Variants in ZCCHC7 observed in about 807,000 individuals in gnomAD.
ZCCHC7 encodes zinc finger CCHC domain-containing protein 7.
ZCCHC7 carries 35 observed loss-of-function variants against 52.0 expected under a neutral mutation model. The observed-to-expected ratio is 0.67, with a 90% confidence interval of 0.51 to 0.89. ZCCHC7 has a LOEUF of 0.89. Ranked by LOEUF, ZCCHC7 falls within the 40% of genes least tolerant of loss-of-function variation. The pLI, the probability that ZCCHC7 is intolerant of heterozygous loss-of-function variation, is 0.00. For synonymous variants in ZCCHC7, 217 were observed against 221.5 expected (o/e 0.98, Z 0.18); for missense variants, 574 against 649.1 (o/e 0.88, Z 1.26).
chr9:37,178,456 AG>A (rs1822173965), intron 2 of ZCCHC7, among the ~76,000 whole-genome samples: 1 of 151,794 alleles, frequency 6.6e-6, no homozygotes, highest in Non-Finnish European at 1.5e-5. Context: ...GAAGGTAAAA[AG>A]GAAGGAAAGA....
chr9:37,180,364 C>G (rs1588437827), intron 2 of ZCCHC7, among the ~76,000 whole-genome samples: 1 of 151,872 alleles, frequency 6.6e-6, no homozygotes, highest in African/African-American at 2.4e-5. Flanking sequence ...GTTAATTTTC[C>G]TAACTGGTAA....
At chr9:37,326,979 C>CAACT (rs2118142773) in intron 5 of ZCCHC7, 1 of 152,086 alleles carries the variant, frequency 6.6e-6, no homozygotes, top group East Asian at 1.9e-4. Context: ...GTAAACTGAT[C>CAACT]AACTATACAT....
chr9:37,180,848 A>G (rs181193948), intron 2 of ZCCHC7, among the ~76,000 whole-genome samples: 8 of 152,280 alleles, frequency 5.3e-5, no homozygotes, highest in Admixed American at 3.9e-4. Context: ...CTTTATTCTA[A>G]GTGAGACTAT....
intron 6 of ZCCHC7, among the ~76,000 whole-genome samples, chr9:37,336,099 C>CA (rs1830636915): frequency 6.6e-6 from 1 of 152,068 alleles, no homozygotes; most frequent in African/African-American, 2.4e-5. Context: ...AGAAATGAAA[C>CA]AAAATAGCAT....
chr9:37,211,972 A>C (rs1444236206), intron 2 of ZCCHC7, among the ~76,000 whole-genome samples: 1 of 131,132 alleles, frequency 7.6e-6, no homozygotes, highest in Non-Finnish European at 1.6e-5. Context: ...GCTTGCAGTG[A>C]GCCGAGATGG....
At chr9:37,177,291 C>T (rs530159875) in intron 2 of ZCCHC7, among the ~76,000 whole-genome samples, 14 of 152,102 alleles carry the variant, frequency 9.2e-5, no homozygotes, top group Middle Eastern at 3.4e-3. Context: ...GCTGAGACCA[C>T]GCCAGTGCAT....
At chr9:37,138,412 T>G (rs1029388907) in intron 2 of ZCCHC7, among the ~76,000 whole-genome samples, 1 of 152,176 alleles carries the variant, frequency 6.6e-6, no homozygotes, top group African/African-American at 2.4e-5. Flanking sequence ...TTTCTGTGAT[T>G]TCACTGTAGA....
chr9:37,314,842 A>G (rs1829745141), intron 5 of ZCCHC7, among the ~76,000 whole-genome samples: 1 of 152,078 alleles, frequency 6.6e-6, no homozygotes, highest in Admixed American at 6.6e-5. Context: ...GAAGCAATGT[A>G]CACAACTGGG....
chr9:37,182,378 G>A (rs570334076), intron 2 of ZCCHC7, among the ~76,000 whole-genome samples: 13 of 143,786 alleles, frequency 9.0e-5, no homozygotes, highest in Admixed American at 2.8e-4. Flanking sequence ...TTGAGATGTA[G>A]TCTTGCTCTG....
intron 2 of ZCCHC7, among the ~76,000 whole-genome samples, chr9:37,295,382 A>T (rs1432003114): frequency 6.6e-6 from 1 of 152,242 alleles, no homozygotes; most frequent in Non-Finnish European, 1.5e-5. Flanking sequence ...TAGTATACAA[A>T]GGAATTTTAT....
At chr9:37,231,533 T>C (rs2133313500) in intron 2 of ZCCHC7, among the ~76,000 whole-genome samples, 1 of 152,322 alleles carries the variant, frequency 6.6e-6, no homozygotes, top group East Asian at 1.9e-4. Context: ...TAAGCCACCT[T>C]CCTGAAAATT....
intron 2 of ZCCHC7, among the ~76,000 whole-genome samples, chr9:37,294,836 A>G (rs1828709175): frequency 6.6e-6 from 1 of 152,226 alleles, no homozygotes; most frequent in Admixed American, 6.5e-5. Context: ...AGAGAGGGAA[A>G]TAAAATATTT....
At chr9:37,211,989 T>TGCACTCCA (rs1473848969) in intron 2 of ZCCHC7, among the ~76,000 whole-genome samples, 1 of 119,050 alleles carries the variant, frequency 8.4e-6, no homozygotes, top group Non-Finnish European at 1.6e-5. Flanking sequence ...ATGGCGCCAC[T>TGCACTCCA]GCACTCCAGC....
chr9:37,126,951 CAT>C lies in ZCCHC7; in HGVS notation c.610+12_610+13del. On this transcript the variant is annotated intron_variant, in intron 2 of 8. Transcript: ENST00000336755. ...AAACTCTGTTACTGAAGGTTAGTAT[CAT>C]ATTGGCCATTTTGAAAGTAGTATCA... 1 of 1,609,234 alleles carries C rather than the reference CAT, an allele frequency of 6.2e-7. No individual in the cohort carries two copies. The highest frequency in any genetic ancestry group is 8.5e-7 in the Non-Finnish European group (1 of 1,177,890).
chr9:37,336,630 T>G (rs1243625980), intron 6 of ZCCHC7, among the ~76,000 whole-genome samples: 1 of 152,174 alleles, frequency 6.6e-6, no homozygotes, highest in Non-Finnish European at 1.5e-5. Flanking sequence ...TATAATTTTT[T>G]TATTGGGGTT....
chr9:37,211,956 G>A (rs918756066), intron 2 of ZCCHC7, among the ~76,000 whole-genome samples: 13 of 144,256 alleles, frequency 9.0e-5, no homozygotes, highest in African/African-American at 3.4e-4. Context: ...TGAACCCGGA[G>A]GCGGAGCTTG....
rs369014052 is a variant in ZCCHC7 at position 37,318,936 on chromosome 9, C to CT, written c.952-8862dup. Among the ~76,000 whole-genome samples, 593 of 116,144 alleles carry CT rather than the reference C, an allele frequency of 5.1e-3. 3 individuals are homozygous for CT. Among genetic ancestry groups the CT allele is most frequent in the African/African-American group, 0.018 (541 of 30,724 alleles). The allele number at this position is 116,144 out of a possible 152,430, so 76.2% of individuals were successfully genotyped here. A position where few individuals can be genotyped will look rare whatever the true frequency, so the allele number is the denominator to read the frequency against. On this transcript the variant is annotated intron_variant, in intron 5 of 8. Coordinates refer to ENST00000336755, the MANE Select transcript of ZCCHC7 (RefSeq NM_032226.3). Reference sequence around the variant, plus strand: ...CCAGCCTGGGCAACAGAGTGAGACTCTGTCTCAAAAAAAAAAAAAAAAAAG... The same window carrying CT: ...CCAGCCTGGGCAACAGAGTGAGACTCTTGTCTCAAAAAAAAAAAAAAAAAAG...
At chr9:37,161,399 C>A (rs1005794640) in intron 2 of ZCCHC7, among the ~76,000 whole-genome samples, 5 of 151,878 alleles carry the variant, frequency 3.3e-5, no homozygotes, top group Non-Finnish European at 7.4e-5. Flanking sequence ...ACGGTGAAAC[C>A]CCATCTCTAC....
intron 2 of ZCCHC7, among the ~76,000 whole-genome samples, chr9:37,298,054 T>G (rs1828865094): frequency 6.6e-6 from 1 of 152,186 alleles, no homozygotes. Flanking sequence ...TTGCCCTATG[T>G]TGGAAAGCAC....
Sources: allele counts gnomAD v4.1 joint callset (sites outside exome capture counted in the v4.1 genomes callset), GRCh38; gene constraint gnomAD v4.1.1; transcripts MANE v1.5; gene names NCBI Gene and HGNC (gene_info 2026-07-23, HGNC 2026-07-21).